Variants in BAALC observed in about 807,000 individuals in gnomAD.
The protein encoded by BAALC is BAALC binder of MAP3K1 and KLF4.
Under a neutral mutation model 15.5 loss-of-function variants are expected in BAALC, and 9 were observed. The ratio of observed to expected loss-of-function variants is 0.58; its 90% CI spans 0.35 to 1.02. The LOEUF is 1.02. Ranked by LOEUF, BAALC falls within the 50% of genes least tolerant of loss-of-function variation. BAALC has a pLI of 0.02. For missense variants in BAALC, 201 were observed against 192.4 expected (o/e 1.04, Z -0.27); for synonymous variants, 80 against 74.6 (o/e 1.07, Z -0.37).
intron 1 of BAALC, among the ~76,000 whole-genome samples, chr8:103,174,059 G>A (rs772470001): frequency 1.3e-5 from 2 of 152,138 alleles, no homozygotes; most frequent in African/African-American, 2.4e-5. Context: ...ACCCATAGAC[G>A]ATCCAGAGTG....
rs1463454233 is a variant in BAALC at position 103,230,252 on chromosome 8, A to T, written c.*2153A>T. ...AACTAATCCTTACTATCCTATTAGG[A>T]TACCACTTTTCATTGCAAAGTTTGT... is the stretch of plus-strand genomic sequence containing the variant. On this transcript the variant is annotated 3_prime_UTR_variant, in exon 3 of 3. Coordinates refer to ENST00000309982, the MANE Select transcript of BAALC (RefSeq NM_024812.3). The T allele has an allele frequency of 3.3e-5, 5 of 152,208 alleles. No individual in the cohort carries two copies. Among genetic ancestry groups the T allele is most frequent in the African/African-American group, 1.2e-4 (5 of 41,452 alleles). The allele number at this position is 152,208 out of a possible 1,614,324, so 9.4% of individuals were successfully genotyped here.
At chr8:103,211,496 C>T (rs1197839170) in intron 1 of BAALC, among the ~76,000 whole-genome samples, 3 of 152,194 alleles carry the variant, frequency 2.0e-5, no homozygotes, top group Non-Finnish European at 1.5e-5. Context: ...AGCAGATTGA[C>T]TATACTTATT....
intron 1 of BAALC, among the ~76,000 whole-genome samples, chr8:103,171,040 T>C (rs1036268270): frequency 6.6e-6 from 1 of 152,038 alleles, no homozygotes. Flanking sequence ...CTGATTTATT[T>C]GGAAAGCTAT....
chr8:103,203,034 A>G (rs1011576107), intron 1 of BAALC, among the ~76,000 whole-genome samples: 2 of 152,174 alleles, frequency 1.3e-5, no homozygotes, highest in Non-Finnish European at 2.9e-5. Flanking sequence ...TTTTGGGAAG[A>G]GAAGAATTCA....
chr8:103,162,936 G>C (rs1374074398), intron 1 of BAALC, among the ~76,000 whole-genome samples: 1 of 152,068 alleles, frequency 6.6e-6, no homozygotes, highest in Non-Finnish European at 1.5e-5. Flanking sequence ...AGTCTCACTG[G>C]GGAGAAGCAA....
intron 1 of BAALC, among the ~76,000 whole-genome samples, chr8:103,174,049 AC>A (rs1811554364): frequency 6.6e-6 from 1 of 152,178 alleles, no homozygotes; most frequent in South Asian, 2.1e-4. Flanking sequence ...GGAGGCCTTC[AC>A]CCATAGACGA....
At chr8:103,153,920 G>C (rs750009978) in intron 1 of BAALC, among the ~76,000 whole-genome samples, 1 of 152,150 alleles carries the variant, frequency 6.6e-6, no homozygotes, top group African/African-American at 2.4e-5. Context: ...GCATGGCAGC[G>C]GTTACAATGG....
rs1225730960 is a variant in BAALC at position 103,171,318 on chromosome 8, TGAGAGAAA to T, written c.160+30272_160+30279del. Among the ~76,000 whole-genome samples, 57 of 109,934 alleles carry T rather than the reference TGAGAGAAA, an allele frequency of 5.2e-4. 1 individual carries two copies. Among genetic ancestry groups the T allele is most frequent in the Non-Finnish European group, 9.4e-4 (52 of 55,584 alleles). The allele number at this position is 109,934 out of a possible 152,430, so 72.1% of individuals were successfully genotyped here. The stretch of plus-strand genomic sequence containing the variant: ...GAAGGGGGGAGGGAGGAGGAAACAG[TGAGAGAAA>T]GAGAGAAAGAAGGAAGGAGGAAAGA... On this transcript the variant is annotated intron_variant, in intron 1 of 2. Transcript: ENST00000309982.
chr8:103,203,580 A>T (rs1232290123), intron 1 of BAALC, among the ~76,000 whole-genome samples: 1 of 152,172 alleles, frequency 6.6e-6, no homozygotes, highest in Non-Finnish European at 1.5e-5. Context: ...ATTAACAGTC[A>T]CTGTCATTTC....
At chr8:103,207,237 T>C (rs544658291) in intron 1 of BAALC, among the ~76,000 whole-genome samples, 3 of 152,272 alleles carry the variant, frequency 2.0e-5, no homozygotes, top group Admixed American at 2.0e-4. Flanking sequence ...AATTCTGTAA[T>C]GAAAGACAGA....
intron 1 of BAALC, among the ~76,000 whole-genome samples, chr8:103,148,796 C>A (rs1277614144): frequency 6.6e-6 from 1 of 152,136 alleles, no homozygotes; most frequent in Non-Finnish European, 1.5e-5. Context: ...TGTTTATGAG[C>A]ACTAACACTG....
At chr8:103,218,153 C>T (rs1428583175) in intron 2 of BAALC, among the ~76,000 whole-genome samples, 1 of 152,164 alleles carries the variant, frequency 6.6e-6, no homozygotes, top group Non-Finnish European at 1.5e-5. Context: ...AGCCCTTCTC[C>T]ACTTCATGTC....
At chr8:103,198,281 T>A in intron 1 of BAALC, 1 of 551,340 alleles carries the variant, frequency 1.8e-6, no homozygotes, top group Non-Finnish European at 3.2e-6. Context: ...TATTTGATGA[T>A]TAAATGTGAT....
At chr8:103,190,211 A>C (rs942482343) in intron 1 of BAALC, among the ~76,000 whole-genome samples, 1 of 152,178 alleles carries the variant, frequency 6.6e-6, no homozygotes, top group Non-Finnish European at 1.5e-5. Context: ...GGATGTATTG[A>C]GTATAAAGTG....
intron 1 of BAALC, among the ~76,000 whole-genome samples, chr8:103,174,808 G>A (rs369700815): frequency 1.2e-3 from 189 of 152,284 alleles, no homozygotes; most frequent in African/African-American, 4.5e-3. Context: ...AAGGGAAGCT[G>A]GGGAACATCT....
intron 1 of BAALC, among the ~76,000 whole-genome samples, chr8:103,182,442 T>G (rs571258191): frequency 6.6e-6 from 1 of 152,348 alleles, no homozygotes; most frequent in Admixed American, 6.5e-5. Flanking sequence ...CCTGGGCTTT[T>G]AAGAGAACAA....
intron 1 of BAALC, among the ~76,000 whole-genome samples, chr8:103,185,961 C>T (rs1362806215): frequency 6.6e-6 from 1 of 152,138 alleles, no homozygotes; most frequent in Non-Finnish European, 1.5e-5. Flanking sequence ...TCATATGAAA[C>T]ATTATTTGTC....
Position 103,228,047 on chromosome 8 carries a change from G to T in BAALC, c.386G>T (p.Ser129Ile). Residue 129 changes from serine (S) to isoleucine (I), a missense_variant, in exon 3 of 3, where the codon AGC (serine) becomes ATC (isoleucine). Transcript: ENST00000309982. Reference protein sequence around the residue: ...AKEVTINVTDSIQQMDRSRRI... With the variant: ...AKEVTINVTDIIQQMDRSRRI... ...GAAGTCACCATTAATGTAACAGATA[G>T]CATCCAACAGATGGACAGAAGTCGA... is the stretch of plus-strand genomic sequence containing the variant. 1.2e-6 allele frequency: 2 copies of T among 1,613,734 alleles called. No homozygotes were observed. Among genetic ancestry groups the T allele is most frequent in the Middle Eastern group, 1.7e-4 (1 of 6,056 alleles).
Position 103,183,052 on chromosome 8 carries a change from T to C in BAALC, c.161-29867T>C, listed in dbSNP as rs180951086. On this transcript the variant is annotated intron_variant, in intron 1 of 2. Transcript: ENST00000309982. ...ACAGAATTCAATCACATTCTCACCATAGAACACATCACTGGAAAATGAGAG... is the reference window on the plus strand; with the variant it reads ...ACAGAATTCAATCACATTCTCACCACAGAACACATCACTGGAAAATGAGAG... 8.5e-5 allele frequency among the ~76,000 whole-genome samples: 13 copies of C among 152,344 alleles called. No homozygotes were observed. In the East Asian group the frequency reaches 1.3e-3, roughly 16 times the overall value.
Sources: allele counts gnomAD v4.1 joint callset (sites outside exome capture counted in the v4.1 genomes callset), GRCh38; gene constraint gnomAD v4.1.1; transcripts MANE v1.5; gene names NCBI Gene and HGNC (gene_info 2026-07-23, HGNC 2026-07-21).